Variants in PTPRT observed in about 807,000 individuals in gnomAD.
The protein encoded by PTPRT is protein tyrosine phosphatase receptor type T.
PTPRT carries 56 observed loss-of-function variants against 176.8 expected under a neutral mutation model. That is an observed-to-expected ratio of 0.32 (90% CI 0.26 to 0.40). The LOEUF (loss-of-function observed/expected upper bound fraction) is 0.40. Among genes scored for constraint, PTPRT ranks in the 10% least tolerant of loss-of-function variants. The pLI is 1.00. For synonymous variants in PTPRT, 783 were observed against 739.0 expected (o/e 1.06, Z -0.96); for missense variants, 1,540 against 1,908.2 (o/e 0.81, Z 3.60).
chr20:42,090,703 T>C (rs1984524939), intron 27 of PTPRT, among the ~76,000 whole-genome samples: 1 of 152,144 alleles, frequency 6.6e-6, no homozygotes, highest in African/African-American at 2.4e-5. Flanking sequence ...ATACAACTCC[T>C]GGGGAGGGAA....
chr20:42,583,597 C>T (rs1181198069), intron 7 of PTPRT, among the ~76,000 whole-genome samples: 1 of 152,108 alleles, frequency 6.6e-6, no homozygotes, highest in Non-Finnish European at 1.5e-5. Context: ...CAAATACAAA[C>T]ATGCACTCCC....
chr20:43,061,085 T>TG (rs1373481458), intron 1 of PTPRT, among the ~76,000 whole-genome samples: 25 of 131,198 alleles, frequency 1.9e-4, no homozygotes, highest in Non-Finnish European at 3.2e-4. Flanking sequence ...GGCGGATAAA[T>TG]GAATGGATGG....
At chr20:42,693,419 A>G (rs1355889440) in intron 6 of PTPRT, among the ~76,000 whole-genome samples, 2 of 152,212 alleles carry the variant, frequency 1.3e-5, no homozygotes, top group Admixed American at 1.3e-4. Context: ...TAAAAAGGAA[A>G]AGAAAGTTAG....
intron 7 of PTPRT, among the ~76,000 whole-genome samples, chr20:42,544,523 C>T (rs2072639542): frequency 6.6e-6 from 1 of 152,156 alleles, no homozygotes; most frequent in African/African-American, 2.4e-5. Flanking sequence ...CTCTATGTAT[C>T]AGCAATATGA....
chr20:42,246,699 C>G (rs1012140073), intron 14 of PTPRT, among the ~76,000 whole-genome samples: 3 of 152,152 alleles, frequency 2.0e-5, no homozygotes, highest in African/African-American at 7.2e-5. Flanking sequence ...GTGGGTTAAG[C>G]CAGGCTTTAG....
chr20:42,515,267 A>C (rs909586873), intron 7 of PTPRT, among the ~76,000 whole-genome samples: 2 of 152,084 alleles, frequency 1.3e-5, no homozygotes, highest in Admixed American at 1.3e-4. Context: ...GGCGGATCAC[A>C]AGGTCAGGAG....
At chr20:42,348,103 C>T (rs1390291561) in intron 11 of PTPRT, among the ~76,000 whole-genome samples, 1 of 152,170 alleles carries the variant, frequency 6.6e-6, no homozygotes, top group Non-Finnish European at 1.5e-5. Context: ...ATATAACATC[C>T]TACTGCCCAG....
At chr20:42,602,113 C>T (rs1222581331) in intron 7 of PTPRT, among the ~76,000 whole-genome samples, 2 of 152,202 alleles carry the variant, frequency 1.3e-5, no homozygotes, top group African/African-American at 4.8e-5. Context: ...TCCCACTTTG[C>T]CTGAAGTCCA....
chr20:42,660,010 C>A (rs1272510483), intron 7 of PTPRT, among the ~76,000 whole-genome samples: 3 of 152,062 alleles, frequency 2.0e-5, no homozygotes, highest in African/African-American at 4.8e-5. Context: ...TTACTTTACT[C>A]CTCAGAGCCT....
intron 2 of PTPRT, among the ~76,000 whole-genome samples, chr20:42,838,378 C>T (rs955985451): frequency 6.6e-6 from 1 of 152,192 alleles, no homozygotes; most frequent in Non-Finnish European, 1.5e-5. Context: ...TAAGGACAAA[C>T]CATATTATGA....
intron 12 of PTPRT, among the ~76,000 whole-genome samples, chr20:42,314,980 G>A (rs895596939): frequency 7.9e-5 from 12 of 152,154 alleles, no homozygotes; most frequent in African/African-American, 1.2e-4. Flanking sequence ...TTTTGTGTGT[G>A]TTTGAGATTG....
intron 7 of PTPRT, among the ~76,000 whole-genome samples, chr20:42,559,779 C>G (rs1389129014): frequency 6.6e-6 from 1 of 152,210 alleles, no homozygotes; most frequent in Non-Finnish European, 1.5e-5. Context: ...AGCCTGTTTG[C>G]TGAAATATCA....
intron 7 of PTPRT, among the ~76,000 whole-genome samples, chr20:42,637,446 C>T (rs150871173): frequency 5.3e-5 from 8 of 152,276 alleles, no homozygotes; most frequent in African/African-American, 1.7e-4. Flanking sequence ...TTGTTCCCCC[C>T]TCACATCCTT....
chr20:42,371,416 C>G (rs969433334), intron 9 of PTPRT, among the ~76,000 whole-genome samples: 4 of 152,254 alleles, frequency 2.6e-5, no homozygotes, highest in African/African-American at 9.6e-5. Context: ...GAAAAAGCAA[C>G]TGACACTCTA....
chr20:42,494,759 C>G (rs549003791), intron 7 of PTPRT, among the ~76,000 whole-genome samples: 4 of 148,112 alleles, frequency 2.7e-5, no homozygotes, highest in African/African-American at 7.9e-5. Flanking sequence ...TCATAGCTGG[C>G]ATATAATAAG....
intron 1 of PTPRT, among the ~76,000 whole-genome samples, chr20:42,973,997 G>A (rs1444835228): frequency 6.6e-6 from 1 of 152,100 alleles, no homozygotes; most frequent in African/African-American, 2.4e-5. Flanking sequence ...AGACAGCTGA[G>A]AGTGTGTAGA....
At chr20:42,718,079 T>C (rs2076252189) in intron 6 of PTPRT, among the ~76,000 whole-genome samples, 1 of 152,276 alleles carries the variant, frequency 6.6e-6, no homozygotes, top group African/African-American at 2.4e-5. Context: ...ACTCTACTCC[T>C]AGTTACATAT....
chr20:42,572,916 G>GT (rs758866784), intron 7 of PTPRT, among the ~76,000 whole-genome samples: 3,688 of 116,646 alleles, frequency 0.032, 136 homozygotes, highest in African/African-American at 0.08. Flanking sequence ...CTAGAGATAA[G>GT]TTTTTGTTTT....
intron 11 of PTPRT, among the ~76,000 whole-genome samples, chr20:42,317,663 T>C (rs2057739696): frequency 1.3e-5 from 2 of 152,282 alleles, no homozygotes; most frequent in Non-Finnish European, 2.9e-5. Context: ...ACTTGGGAGA[T>C]GACAGAGACA....
Sources: allele counts gnomAD v4.1 joint callset (sites outside exome capture counted in the v4.1 genomes callset), GRCh38; gene constraint gnomAD v4.1.1; transcripts MANE v1.5; gene names NCBI Gene and HGNC (gene_info 2026-07-23, HGNC 2026-07-21).